ALPK1: variants seen among roughly 807,000 people sequenced by gnomAD.
ALPK1 encodes the protein alpha-protein kinase 1.
ALPK1 carries 110 observed loss-of-function variants against 120.6 expected under a neutral mutation model. The ratio of observed to expected loss-of-function variants is 0.91; its 90% CI spans 0.78 to 1.07. The LOEUF is 1.07. ALPK1 is among the 50% of genes least tolerant of loss of function. The pLI is 0.00. For missense variants in ALPK1, 1,498 were observed against 1,483.9 expected, an observed-to-expected ratio of 1.01 and a Z score of -0.16; for synonymous variants, 582 against 560.3, an observed-to-expected ratio of 1.04 and a Z score of -0.55.
In ALPK1 at chr4:112,441,192, T is replaced by C; in HGVS notation, c.3728-11T>C. 6.2e-7 allele frequency: 1 copy of C among 1,609,596 alleles called. No individual in the cohort carries two copies. Among genetic ancestry groups the C allele is most frequent in the Non-Finnish European group, 8.5e-7 (1 of 1,175,906 alleles). The stretch of plus-strand genomic sequence containing the variant: ...GGTGATGCTCGCAAATATCTGGTTC[T>C]CTCCTTCCAGGCACATAGAATACGG... On this transcript the variant is annotated splice_polypyrimidine_tract_variant and intron_variant, in intron 15 of 15. Transcript: ENST00000650871.
rs879654167 is a variant in ALPK1 at position 112,389,307 on chromosome 4, G to A, written c.276+6755G>A. Among the ~76,000 whole-genome samples, 4 of 152,294 alleles carry A rather than the reference G, an allele frequency of 2.6e-5. No individual in the cohort carries two copies. In the East Asian group the frequency reaches 7.7e-4, roughly 29 times the overall value. On this transcript the variant is annotated intron_variant, in intron 4 of 15. Transcript: ENST00000650871. Reference sequence around the variant, plus strand: ...ATCCGCCTGCCTCAGCCTAACCAAAGTGCTGAGATTACAAGCGTGAGCCAC... The same window carrying A: ...ATCCGCCTGCCTCAGCCTAACCAAAATGCTGAGATTACAAGCGTGAGCCAC...
chr4:112,379,910 G>A (rs1731829106), intron 3 of ALPK1, among the ~76,000 whole-genome samples: 1 of 152,070 alleles, frequency 6.6e-6, no homozygotes, highest in African/African-American at 2.4e-5. Context: ...TGATGTGAAG[G>A]AGGCAAAAAT....
chr4:112,428,714 G>A (rs1325001970), intron 9 of ALPK1, among the ~76,000 whole-genome samples: 1 of 152,140 alleles, frequency 6.6e-6, no homozygotes, highest in Non-Finnish European at 1.5e-5. Flanking sequence ...AGCTCCTTGA[G>A]GGCTCACTGT....
rs11730442 is a variant in ALPK1, at chr4:112,441,307, T to C, written c.*97T>C. ...AGGAATTGATCAGTATCACTTTAAG[T>C]CCTGCATTTAATTGGCAGCACAAGA... On this transcript the variant is annotated 3_prime_UTR_variant, in exon 16 of 16. Transcript: ENST00000650871. 0.11 allele frequency: 93,760 copies of C among 875,536 alleles called. 5,951 individuals are homozygous for C. Among genetic ancestry groups the C allele is most frequent in the Non-Finnish European group, 0.13 (65,882 of 505,846 alleles). 54.2% of individuals were successfully genotyped at this position (875,536 alleles called of 1,614,324 possible). A position where few individuals can be genotyped will look rare whatever the true frequency, so the allele number is the denominator to read the frequency against.
intron 4 of ALPK1, among the ~76,000 whole-genome samples, chr4:112,396,175 T>C (rs370150902): frequency 6.6e-6 from 1 of 152,214 alleles, no homozygotes; most frequent in South Asian, 2.1e-4. Flanking sequence ...ATTTGAAAGA[T>C]ATTTTTCAGA....
chr4:112,303,424 T>A (rs1727877270), intron 1 of ALPK1, among the ~76,000 whole-genome samples: 1 of 152,194 alleles, frequency 6.6e-6, no homozygotes, highest in Admixed American at 6.5e-5. Flanking sequence ...GCCAAAAACT[T>A]TGAAGTCACC....
rs761038781 is a variant in ALPK1, at chr4:112,353,774, CAGG to C, written c.-100-23901_-100-23899del. ...ATCCCAGCTACTTGGGAAGCTGAAG[CAGG>C]AGAATTGCTTGAACCTAGGAGGTGA... is the stretch of plus-strand genomic sequence containing the variant. On this transcript the variant is annotated intron_variant, in intron 2 of 15. Transcript: ENST00000650871. Among the ~76,000 whole-genome samples the C allele has an allele frequency of 2.8e-4, 43 of 152,200 alleles. 1 individual carries two copies. Among genetic ancestry groups the C allele is most frequent in the Non-Finnish European group, 4.9e-4 (33 of 68,014 alleles).
At chr4:112,399,787 C>T (rs1732827727) in intron 4 of ALPK1, among the ~76,000 whole-genome samples, 1 of 152,054 alleles carries the variant, frequency 6.6e-6, no homozygotes, top group South Asian at 2.1e-4. Flanking sequence ...TGTGATGTTC[C>T]CCTCCCTGCG....
At chr4:112,406,100 C>T (rs758062439) in intron 4 of ALPK1, among the ~76,000 whole-genome samples, 30 of 152,112 alleles carry the variant, frequency 2.0e-4, no homozygotes, top group Non-Finnish European at 8.8e-5. Context: ...ATAAAACTCT[C>T]ATGTGATCAA....
At chr4:112,301,960 CGAT>C (rs1458671988) in intron 1 of ALPK1, among the ~76,000 whole-genome samples, 1 of 152,110 alleles carries the variant, frequency 6.6e-6, no homozygotes, top group African/African-American at 2.4e-5. Flanking sequence ...AACCTTCACT[CGAT>C]GACCTCTCTC....
chr4:112,368,889 G>A (rs1859140), intron 2 of ALPK1, among the ~76,000 whole-genome samples: 18,560 of 152,038 alleles, frequency 0.12, 1,392 homozygotes, highest in African/African-American at 0.21. Flanking sequence ...TCCTACCTCA[G>A]TTAAGGCCTT....
chr4:112,380,037 C>T (rs1195369219), intron 3 of ALPK1, among the ~76,000 whole-genome samples: 1 of 152,102 alleles, frequency 6.6e-6, no homozygotes, highest in African/African-American at 2.4e-5. Context: ...TTTCCTTTGC[C>T]ATGTGACTGC....
chr4:112,381,196 A>G (rs915898414), intron 3 of ALPK1, among the ~76,000 whole-genome samples: 3 of 152,232 alleles, frequency 2.0e-5, no homozygotes, highest in African/African-American at 7.2e-5. Context: ...GCCAAGGAAG[A>G]GGAGAAAATG....
At chr4:112,324,980 G>A (rs958326895) in intron 2 of ALPK1, among the ~76,000 whole-genome samples, 69 of 140,576 alleles carry the variant, frequency 4.9e-4, no homozygotes, top group African/African-American at 1.3e-3. Flanking sequence ...AAAAAGGGGG[G>A]GGGGGGCAAA....
chr4:112,377,418 G>C (rs1731714292), intron 2 of ALPK1, among the ~76,000 whole-genome samples: 1 of 152,084 alleles, frequency 6.6e-6, no homozygotes, highest in South Asian at 2.1e-4. Flanking sequence ...ATTTCATTTG[G>C]CCCATGTAAC....
At chr4:112,440,853 T>C (rs1408032620) in intron 14 of ALPK1, 64 bp from the exon 15 acceptor site, 2 of 1,417,010 alleles carry the variant, frequency 1.4e-6, no homozygotes, top group East Asian at 2.3e-5. Context: ...GTATGTATTT[T>C]TGTAAACACT....
At position 112,438,517 on chromosome 4, in the gene ALPK1, G is replaced by C. The variant is rs1578578333; in HGVS notation, c.3222G>C (p.Gly1074=). 2 of 1,613,732 alleles carry C rather than the reference G, an allele frequency of 1.2e-6. No homozygotes were observed. The highest frequency in any genetic ancestry group is 1.7e-6 in the Non-Finnish European group (2 of 1,179,788). Residue 1074 remains glycine (G), a synonymous_variant, in exon 13 of 16, where the codon GGG becomes GGC. Coordinates refer to ENST00000650871, the MANE Select transcript of ALPK1 (RefSeq NM_025144.4). The part of the protein sequence containing the change: ...YVGKDYKEQK[G]LWHHFTDVER... ...GGAAAGACTATAAGGAGCAGAAGGG[G>C]CTCTGGCACCACTTCACTGATGTGG...
chr4:112,312,562 G>A (rs760138713), intron 1 of ALPK1, among the ~76,000 whole-genome samples: 12 of 152,252 alleles, frequency 7.9e-5, no homozygotes, highest in Middle Eastern at 3.4e-3. Flanking sequence ...GTGAGCCTCC[G>A]CACCTGGCCT....
chr4:112,437,732 A>T (rs1046364466), intron 12 of ALPK1, among the ~76,000 whole-genome samples: 1 of 152,094 alleles, frequency 6.6e-6, no homozygotes, highest in Admixed American at 6.6e-5. Flanking sequence ...CTTAAGTTCC[A>T]TTATTATATG....
Sources: allele counts gnomAD v4.1 joint callset (sites outside exome capture counted in the v4.1 genomes callset), GRCh38; gene constraint gnomAD v4.1.1; transcripts MANE v1.5; gene names NCBI Gene and HGNC (gene_info 2026-07-23, HGNC 2026-07-21).